Variants in PDPR observed in about 807,000 individuals in gnomAD.
The protein encoded by PDPR is pyruvate dehydrogenase phosphatase regulatory subunit, also known as pyruvate dehydrogenase phosphatase regulatory subunit, mitochondrial.
PDPR carries 50 observed loss-of-function variants against 102.2 expected under a neutral mutation model. The ratio of observed to expected loss-of-function variants is 0.49; its 90% CI spans 0.39 to 0.62. PDPR has a LOEUF of 0.62. Ranked by LOEUF, PDPR falls within the 20% of genes least tolerant of loss-of-function variation. PDPR has a pLI of 0.00. For synonymous variants in PDPR, 259 were observed against 406.0 expected, an observed-to-expected ratio of 0.64 and a Z score of 4.35; for missense variants, 625 against 1,098.2, an observed-to-expected ratio of 0.57 and a Z score of 6.09.
At chr16:70,140,675 TGTG>T (rs1433312300) in intron 11 of PDPR, among the ~76,000 whole-genome samples, 38 of 152,130 alleles carry the variant, frequency 2.5e-4, no homozygotes, top group South Asian at 2.1e-4. Flanking sequence ...TTTAGCCAGA[TGTG>T]GTGGTACGTG....
At chr16:70,134,799 ATAAT>A (rs1318941657) in intron 9 of PDPR, among the ~76,000 whole-genome samples, 2 of 114,516 alleles carry the variant, frequency 1.7e-5, no homozygotes, top group African/African-American at 6.5e-5. Context: ...AAAAAAAAAA[ATAAT>A]AATAATAATA....
chr16:70,155,270 T>C (rs1301642015), intron 18 of PDPR, among the ~76,000 whole-genome samples: 5 of 152,246 alleles, frequency 3.3e-5, no homozygotes, highest in African/African-American at 1.2e-4. Flanking sequence ...GTCTATTTAA[T>C]GGTAGTAACT....
Position 70,161,750 on chromosome 16 carries a change from G to A in PDPR, c.*4871G>A, listed in dbSNP as rs1479139999. 6.6e-5 allele frequency: 10 copies of A among 152,602 alleles called. No homozygotes were observed. Among genetic ancestry groups the A allele is most frequent in the African/African-American group, 2.4e-4 (10 of 41,600 alleles). The allele number at this position is 152,602 out of a possible 1,614,324, so 9.5% of individuals were successfully genotyped here. ...TCCCTTTGTCCATGAAACATGAAGA[G>A]TTGTTTATGGTTCTTGACTTCTCTG... On this transcript the variant is annotated 3_prime_UTR_variant, in exon 19 of 19. Transcript: ENST00000288050.
At chr16:70,116,820 G>T (rs1311506997) in intron 2 of PDPR, among the ~76,000 whole-genome samples, 1 of 152,012 alleles carries the variant, frequency 6.6e-6, no homozygotes, top group Non-Finnish European at 1.5e-5. Flanking sequence ...GAGATAACAG[G>T]CGTGAGACAT....
At chr16:70,117,723 A>G (rs1962793147) in intron 2 of PDPR, among the ~76,000 whole-genome samples, 1 of 152,152 alleles carries the variant, frequency 6.6e-6, no homozygotes, top group South Asian at 2.1e-4. Flanking sequence ...GAGAAATGAG[A>G]CCACAGATAA....
At chr16:70,125,952 C>A (rs1399765123) in intron 3 of PDPR, among the ~76,000 whole-genome samples, 1 of 152,262 alleles carries the variant, frequency 6.6e-6, no homozygotes, top group Non-Finnish European at 1.5e-5. Context: ...TCACTTCTAA[C>A]AAAAAGCTTT....
At position 70,153,445 on chromosome 16, in the gene PDPR, C is replaced by T. The variant is rs771120314; in HGVS notation, c.2107C>T (p.Arg703Trp). 1.8e-5 allele frequency: 29 copies of T among 1,613,760 alleles called. No homozygotes were observed. Among genetic ancestry groups the T allele is most frequent in the African/African-American group, 5.3e-5 (4 of 74,948 alleles). The part of the protein sequence containing the change: ...VMSVGQKYGI[R>W]NAGYYALRSL... Reference sequence around the variant, plus strand: ...GAGTGTTGGCCAGAAATACGGAATCCGGAATGCTGGGTATTACGCTCTTCG... The same window carrying T: ...GAGTGTTGGCCAGAAATACGGAATCTGGAATGCTGGGTATTACGCTCTTCG... Residue 703 changes from arginine (R) to tryptophan (W), a missense_variant, in exon 18 of 19, where the codon CGG becomes TGG. Around this residue, in one of 11 missense-constraint regions of PDPR, gnomAD observed 303 missense variants for 258.9 expected, o/e 1.17. Coordinates refer to ENST00000288050, the MANE Select transcript of PDPR (RefSeq NM_017990.5).
chr16:70,136,522 G>A (rs1965160436), intron 10 of PDPR, 136 bp downstream of exon 10: 2 of 795,448 alleles, frequency 2.5e-6, no homozygotes. Flanking sequence ...GAAGATACAT[G>A]TAATTTTGGA....
rs1297375333 is a variant in PDPR at position 70,120,573 on chromosome 16, C to A, written c.81C>A (p.Asn27Lys). 6.2e-7 allele frequency: 1 copy of A among 1,614,022 alleles called. No individual in the cohort carries two copies. ...PGWQNWSSAR[N>K]STSAAEARSM... ...GGCAGAACTGGTCCTCTGCAAGAAACAGCACGTCAGCTGCCGAGGCGCGTT... is the reference window on the plus strand; with the variant it reads ...GGCAGAACTGGTCCTCTGCAAGAAAAAGCACGTCAGCTGCCGAGGCGCGTT... The change falls in exon 3 of 19, where the codon AAC becomes AAA. Residue 27 changes from asparagine (N) to lysine (K), a missense_variant. By Grantham distance (94) the Asn-to-Lys change is moderately conservative. This residue lies in a region of PDPR where 84 missense variants were observed against 87.7 expected (regional missense o/e 0.96). Coordinates refer to ENST00000288050, the MANE Select transcript of PDPR (RefSeq NM_017990.5).
intron 17 of PDPR, among the ~76,000 whole-genome samples, chr16:70,152,975 G>A (rs189586420): frequency 6.6e-6 from 1 of 152,282 alleles, no homozygotes; most frequent in Admixed American, 6.5e-5. Flanking sequence ...ACGTGAGGGA[G>A]TAACAGTGGT....
intron 1 of PDPR, 39 bp from the exon 2 acceptor site, chr16:70,114,782 C>T (rs1036592300): frequency 2.6e-5 from 4 of 152,314 alleles, no homozygotes; most frequent in African/African-American, 9.6e-5. Context: ...GGCGCAGAGC[C>T]AACTCCAGCT....
chr16:70,147,285 A>G (rs1329320439), intron 16 of PDPR, among the ~76,000 whole-genome samples: 1 of 149,106 alleles, frequency 6.7e-6, no homozygotes, highest in East Asian at 2.0e-4. Context: ...AATAAGCATT[A>G]GGATATCTTT....
chr16:70,124,105 G>A (rs552937694), intron 3 of PDPR, among the ~76,000 whole-genome samples: 3 of 151,824 alleles, frequency 2.0e-5, no homozygotes, highest in South Asian at 4.2e-4. Flanking sequence ...GCTCATGCCT[G>A]TTATCCCACG....
chr16:70,120,137 G>C (rs1052512361), intron 2 of PDPR: 18 of 243,538 alleles, frequency 7.4e-5, no homozygotes, highest in Middle Eastern at 1.5e-3. Context: ...GACTGGTCTC[G>C]AACCCCTGAC....
Position 70,119,564 on chromosome 16 carries a change from G to A in PDPR, c.-32-897G>A, listed in dbSNP as rs200125149. On this transcript the variant is annotated intron_variant, in intron 2 of 18. Coordinates refer to ENST00000288050, the MANE Select transcript of PDPR (RefSeq NM_017990.5). Reference sequence around the variant, plus strand: ...TCGTGTACATGCCGGCCTCCTTTTTGTTCTTGGTCTGTCTTACCTCAGGGC... The same window carrying A: ...TCGTGTACATGCCGGCCTCCTTTTTATTCTTGGTCTGTCTTACCTCAGGGC... 4.7e-5 allele frequency among the ~76,000 whole-genome samples: 7 copies of A among 148,396 alleles called. No homozygotes were observed. The East Asian group carries it at 1.4e-3, about 29-fold the overall frequency.
downstream of PDPR, among the ~76,000 whole-genome samples, chr16:70,162,707 G>T (rs1342793167): frequency 6.6e-6 from 1 of 152,270 alleles, no homozygotes; most frequent in East Asian, 1.9e-4. Context: ...CCTCCCTGCA[G>T]CGCTGGAGTG....
chr16:70,128,751 G>C, intron 4 of PDPR, 33 bp from the exon 5 acceptor site: 1 of 1,613,460 alleles, frequency 6.2e-7, no homozygotes, highest in Admixed American at 1.7e-5. Flanking sequence ...CATTTGGTCT[G>C]ATCTGTCTCA....
Position 70,156,828 on chromosome 16 carries a change from C to T in PDPR, c.2589C>T (p.Thr863=). 6.2e-7 allele frequency: 1 copy of T among 1,614,056 alleles called. No homozygotes were observed. The highest frequency in any genetic ancestry group is 8.5e-7 in the Non-Finnish European group (1 of 1,179,904). ...AKLYPVASLF[T]QKRRKDDMEL... is the part of the protein sequence containing the mutation. ...TCTACCCTGTCGCCTCCCTCTTCAC[C>T]CAGAAGCGCCGAAAGGATGACATGG... Residue 863 remains threonine, a synonymous_variant, in exon 19 of 19, where the codon ACC becomes ACT. Coordinates refer to ENST00000288050, the MANE Select transcript of PDPR (RefSeq NM_017990.5).
intron 3 of PDPR, among the ~76,000 whole-genome samples, chr16:70,126,518 A>G (rs1408286872): frequency 1.3e-5 from 2 of 152,002 alleles, no homozygotes; most frequent in African/African-American, 2.4e-5. Context: ...CGCCTGCCAC[A>G]ATGCCTGGCT....
Sources: gnomAD v4.1 joint callset for allele counts (sites outside exome capture counted in the v4.1 genomes callset) on GRCh38, gnomAD v4.1.1 for gene constraint, gnomAD v4.1.1 regional missense constraint, MANE v1.5 for transcripts, NCBI Gene and HGNC (gene_info 2026-07-23, HGNC 2026-07-21) for gene names.